Variants in CA13 observed in about 807,000 individuals in gnomAD.
The protein encoded by CA13 is carbonic anhydrase 13, also known as CA-XIII.
A neutral mutation model predicts 31.5 loss-of-function variants in CA13; 21 were observed. That is an observed-to-expected ratio of 0.67 (90% CI 0.47 to 0.96). The LOEUF (loss-of-function observed/expected upper bound fraction) is 0.96. Among genes scored for constraint, CA13 ranks in the 40% least tolerant of loss-of-function variants. The probability of loss-of-function intolerance (pLI) is 0.00; values close to 1 mark genes in which losing one functional copy is unlikely to be tolerated. For synonymous variants in CA13, 117 were observed against 111.4 expected, an observed-to-expected ratio of 1.05 and a Z score of -0.32; for missense variants, 315 against 318.9, an observed-to-expected ratio of 0.99 and a Z score of 0.09.
chr8:85,278,137 C>G (rs934394927), intron 6 of CA13, among the ~76,000 whole-genome samples: 1 of 151,454 alleles, frequency 6.6e-6, no homozygotes, highest in Admixed American at 6.6e-5. Flanking sequence ...TGTCCCCTGC[C>G]TATATATAAC....
Position 85,281,756 on chromosome 8 carries a change from A to G in CA13, c.*407A>G, listed in dbSNP as rs889477820. 1.3e-5 allele frequency: 2 copies of G among 154,942 alleles called. No individual in the cohort carries two copies. The highest frequency in any genetic ancestry group is 2.4e-5 in the African/African-American group (1 of 41,394). The allele number at this position is 154,942 out of a possible 1,614,324, so 9.6% of individuals were successfully genotyped here. A position where few individuals can be genotyped will look rare whatever the true frequency, so the allele number is the denominator to read the frequency against. ...TGGTCTCAAGCTCCTGCCCTAAAGT[A>G]GGCCTCCTGCCTTTGCCTCTCAAAG... On this transcript the variant is annotated 3_prime_UTR_variant, in exon 7 of 7. Coordinates refer to ENST00000321764, the MANE Select transcript of CA13 (RefSeq NM_198584.3).
intron 1 of CA13, 59 bp downstream of exon 1, chr8:85,245,924 G>T (rs575618795): frequency 6.3e-7 from 1 of 1,596,014 alleles, no homozygotes; most frequent in Admixed American, 1.7e-5. Flanking sequence ...GGACTAGCGC[G>T]ACGCCCCGGC....
chr8:85,253,738 C>A (rs1330367980), intron 2 of CA13, among the ~76,000 whole-genome samples: 2 of 152,158 alleles, frequency 1.3e-5, no homozygotes, highest in African/African-American at 4.8e-5. Context: ...TTAAGCCAGG[C>A]ATGCTGACAC....
At chr8:85,245,911 A>G (rs765000727) in intron 1 of CA13, 46 bp downstream of exon 1, 2 of 1,611,772 alleles carry the variant, frequency 1.2e-6, no homozygotes, top group Admixed American at 3.3e-5. Context: ...GCGGGGGACG[A>G]GAGGACTAGC....
At chr8:85,253,843 C>T (rs546878459) in intron 2 of CA13, among the ~76,000 whole-genome samples, 23 of 152,084 alleles carry the variant, frequency 1.5e-4, no homozygotes, top group South Asian at 6.2e-4. Context: ...CCATCTCTTG[C>T]GGTTAATGTA....
rs376366264 is a variant in CA13 at position 85,245,820 on chromosome 8, C to G, written c.-9C>G. 2 of 1,614,100 alleles carry G rather than the reference C, an allele frequency of 1.2e-6. No individual in the cohort carries two copies. Among genetic ancestry groups the G allele is most frequent in the East Asian group, 2.2e-5 (1 of 44,880 alleles). ...TCACATCTTTCTCTTCCTTCCACCC[C>G]GAGGGACCATGTCGAGGCTCAGCTG... On this transcript the variant is annotated 5_prime_UTR_variant, in exon 1 of 7. Coordinates refer to ENST00000321764, the MANE Select transcript of CA13 (RefSeq NM_198584.3).
chr8:85,266,617 G>T lies in CA13; in HGVS notation c.364G>T (p.Val122Phe). The T allele has an allele frequency of 6.2e-7, 1 of 1,613,358 alleles. No individual in the cohort carries two copies. The highest frequency in any genetic ancestry group is 1.1e-5 in the South Asian group (1 of 91,048). ...GVSYAAELHV[V>F]HWNSDKYPSF... Reference sequence around the variant, plus strand: ...TATATCTCCCTTTCAGCTCCATGTTGTTCACTGGAATTCAGACAAATACCC... The same window carrying T: ...TATATCTCCCTTTCAGCTCCATGTTTTTCACTGGAATTCAGACAAATACCC... The change falls in exon 4 of 7, where the codon GTT becomes TTT. Residue 122 changes from valine to phenylalanine, a missense_variant. Physicochemically the swap from Val to Phe is conservative, Grantham distance 50 (BLOSUM62 -1). Coordinates refer to ENST00000321764, the MANE Select transcript of CA13 (RefSeq NM_198584.3).
rs1376654174 is a variant in CA13, at chr8:85,248,404, C to T, written c.38-2336C>T. Among the ~76,000 whole-genome samples, 5 of 148,452 alleles carry T rather than the reference C, an allele frequency of 3.4e-5. No individual in the cohort carries two copies. In the Admixed American group the frequency reaches 3.4e-4, roughly 10 times the overall value. ...CCTGGGAGGCAGAGGTTGCAGTGAG[C>T]GGAGATCACGCCATTGCACTCCGGC... On this transcript the variant is annotated intron_variant, in intron 1 of 6. Transcript: ENST00000321764.
In CA13 at chr8:85,277,909, G is replaced by A. The variant is rs115457022; in HGVS notation, c.670-3321G>A. Among the ~76,000 whole-genome samples, 1,063 of 152,244 alleles carry A rather than the reference G, an allele frequency of 7.0e-3. 14 individuals are homozygous for A. Among genetic ancestry groups the A allele is most frequent in the African/African-American group, 0.018 (766 of 41,538 alleles). ...TGCTTATGCTATCTTGCTGACGCACGCTGCTGGAGCAAGTGGCCTTGCACC... is the reference window on the plus strand; with the variant it reads ...TGCTTATGCTATCTTGCTGACGCACACTGCTGGAGCAAGTGGCCTTGCACC... On this transcript the variant is annotated intron_variant, in intron 6 of 6. Coordinates refer to ENST00000321764, the MANE Select transcript of CA13 (RefSeq NM_198584.3).
intron 1 of CA13, chr8:85,246,467 G>A (rs1041149302): frequency 6.6e-6 from 3 of 455,882 alleles, no homozygotes; most frequent in African/African-American, 6.0e-5. Flanking sequence ...TAAGGGTTCA[G>A]GTTCTCGCTG....
At position 85,268,636 on chromosome 8, in the gene CA13, T is replaced by A. The variant is rs1255483292; in HGVS notation, c.669+9T>A. On this transcript the variant is annotated intron_variant, in intron 6 of 6. Transcript: ENST00000321764. ...ACATCAGCTCTCAACAGGTACATAATCTCTTCCAGGTTGATACTGATTCCC... is the reference window on the plus strand; with the variant it reads ...ACATCAGCTCTCAACAGGTACATAAACTCTTCCAGGTTGATACTGATTCCC... 1.2e-6 allele frequency: 2 copies of A among 1,610,754 alleles called. No homozygotes were observed. Among genetic ancestry groups the A allele is most frequent in the Non-Finnish European group, 1.7e-6 (2 of 1,177,842 alleles).
At chr8:85,263,686 A>C (rs775095180) in intron 3 of CA13, among the ~76,000 whole-genome samples, 4 of 152,172 alleles carry the variant, frequency 2.6e-5, no homozygotes, top group Admixed American at 6.5e-5. Flanking sequence ...TCTGGGAAGG[A>C]GCAGGTTGCA....
At chr8:85,277,807 C>A (rs897350476) in intron 6 of CA13, among the ~76,000 whole-genome samples, 1 of 152,142 alleles carries the variant, frequency 6.6e-6, no homozygotes, top group Non-Finnish European at 1.5e-5. Flanking sequence ...CCCAGTCTGA[C>A]GTGACTGCTG....
intron 6 of CA13, among the ~76,000 whole-genome samples, chr8:85,280,338 G>T (rs1001697878): frequency 2.6e-5 from 4 of 152,130 alleles, no homozygotes; most frequent in African/African-American, 9.7e-5. Flanking sequence ...TTGCTTGTAT[G>T]TATGATGGTT....
rs1470087634 is a variant in CA13, at chr8:85,250,888, C to T, written c.186C>T (p.Asn62=). The T allele has an allele frequency of 6.2e-7, 1 of 1,614,056 alleles. No individual in the cohort carries two copies. Among genetic ancestry groups the T allele is most frequent in the South Asian group, 1.1e-5 (1 of 91,086 alleles). The change falls in exon 2 of 7, where the codon AAC becomes AAT. Residue 62 remains asparagine (N), a synonymous_variant. Coordinates refer to ENST00000321764, the MANE Select transcript of CA13 (RefSeq NM_198584.3). ...CAAGCTCAGCTAAAATCATCAGCAA[C>T]AGCGGCCATTCCTTCAATGTTGACT... ...YDPSSAKIIS[N]SGHSFNVDFD...
rs142015753 is a variant in CA13, at chr8:85,262,703, G to T, written c.354+3164G>T. ...TCAACTACTGTTTGAGAATAGATTG[G>T]ATGGAAGCAGGAGTGGCTAAGGGGA... On this transcript the variant is annotated intron_variant, in intron 3 of 6. Coordinates refer to ENST00000321764, the MANE Select transcript of CA13 (RefSeq NM_198584.3). Among the ~76,000 whole-genome samples, 857 of 152,260 alleles carry T rather than the reference G, an allele frequency of 5.6e-3. 7 individuals carry two copies. Among genetic ancestry groups the T allele is most frequent in the African/African-American group, 0.019 (809 of 41,540 alleles).
intron 6 of CA13, among the ~76,000 whole-genome samples, chr8:85,274,739 A>C (rs1179615180): frequency 1.3e-5 from 2 of 152,100 alleles, no homozygotes; most frequent in East Asian, 3.9e-4. Context: ...TAATTGTTCT[A>C]TTTAGCCTAT....
chr8:85,245,658 C>T lies in CA13; in HGVS notation c.-171C>T, dbSNP rs1587528802. 2 of 704,432 alleles carry T rather than the reference C, an allele frequency of 2.8e-6. No homozygotes were observed. The highest frequency in any genetic ancestry group is 4.9e-6 in the Non-Finnish European group (2 of 410,328). 43.6% of individuals were successfully genotyped at this position (704,432 alleles called of 1,614,324 possible). A position where few individuals can be genotyped will look rare whatever the true frequency, so the allele number is the denominator to read the frequency against. ...CGGGCGCCTTCCCCGCACGCCTCTG[C>T]CGTCTGGAGGACGCAGGCGGGAGCG... On this transcript the variant is annotated 5_prime_UTR_variant, in exon 1 of 7. Transcript: ENST00000321764.
intron 6 of CA13, among the ~76,000 whole-genome samples, chr8:85,272,763 A>G (rs921921799): frequency 6.6e-6 from 1 of 152,166 alleles, no homozygotes; most frequent in African/African-American, 2.4e-5. Flanking sequence ...ACCTAGGACT[A>G]GAATTACTAG....
Sources: gnomAD v4.1 joint callset for allele counts (sites outside exome capture counted in the v4.1 genomes callset) on GRCh38, gnomAD v4.1.1 for gene constraint, MANE v1.5 for transcripts, NCBI Gene and HGNC (gene_info 2026-07-23, HGNC 2026-07-21) for gene names.